The following ZNF438 variants were observed in gnomAD, a reference collection of about 807,000 sequenced individuals.
The protein encoded by ZNF438 is zinc finger protein 438.
ZNF438 carries 25 observed loss-of-function variants against 38.0 expected under a neutral mutation model. That is an observed-to-expected ratio of 0.66 (90% CI 0.48 to 0.92). ZNF438 has a LOEUF of 0.92. Among genes scored for constraint, ZNF438 ranks in the 40% least tolerant of loss-of-function variants. ZNF438 has a pLI of 0.00. For synonymous variants in ZNF438, 372 were observed against 364.1 expected (o/e 1.02, Z -0.25); for missense variants, 1,007 against 999.6 (o/e 1.01, Z -0.10).
intron 3 of ZNF438, among the ~76,000 whole-genome samples, chr10:30,906,677 C>A (rs754644354): frequency 2.6e-4 from 39 of 152,146 alleles, no homozygotes; most frequent in Non-Finnish European, 5.0e-4. Flanking sequence ...AGTTTTTCAC[C>A]ATTAAGTATG....
At chr10:30,887,683 C>T (rs538718960) in intron 3 of ZNF438, among the ~76,000 whole-genome samples, 6 of 152,166 alleles carry the variant, frequency 3.9e-5, no homozygotes, top group Non-Finnish European at 7.4e-5. Context: ...CCACCGCGCC[C>T]GGCCTAAACT....
At chr10:30,865,421 C>T (rs16932021) in intron 4 of ZNF438, among the ~76,000 whole-genome samples, 6,011 of 151,100 alleles carry the variant, frequency 0.04, 377 homozygotes, top group African/African-American at 0.14. Context: ...TTTTAAGCAG[C>T]GACAAAGTAA....
At chr10:30,907,211 G>T (rs896567050) in intron 3 of ZNF438, among the ~76,000 whole-genome samples, 2 of 152,272 alleles carry the variant, frequency 1.3e-5, no homozygotes, top group South Asian at 4.1e-4. Flanking sequence ...CTCAACTCAG[G>T]TGACCCACCT....
chr10:30,881,831 T>C (rs2039301240), intron 3 of ZNF438, among the ~76,000 whole-genome samples: 1 of 152,112 alleles, frequency 6.6e-6, no homozygotes, highest in Admixed American at 6.5e-5. Flanking sequence ...GGAACATGAA[T>C]AGTCCCTTCA....
Position 30,997,605 on chromosome 10 carries a change from T to C in ZNF438, c.-192+34228A>G, listed in dbSNP as rs559468041. Among the ~76,000 whole-genome samples the C allele has an allele frequency of 3.9e-3, 572 of 148,110 alleles. 3 individuals are homozygous for C. The highest frequency in any genetic ancestry group is 0.013 in the African/African-American group (531 of 40,110). On this transcript the variant is annotated intron_variant, in intron 1 of 5. Transcript: ENST00000413025. ...TTTTTTTTTTTTACCTTGGGAGGAG[T>C]GAAGGGCCATGAATCTTGACTAGTC...
At chr10:30,908,692 A>G (rs914469671) in intron 3 of ZNF438, among the ~76,000 whole-genome samples, 4 of 152,238 alleles carry the variant, frequency 2.6e-5, no homozygotes, top group African/African-American at 7.2e-5. Context: ...GTGCACAGTG[A>G]AAATAAATGA....
chr10:30,931,212 C>T (rs188792144), intron 2 of ZNF438, among the ~76,000 whole-genome samples: 95 of 152,308 alleles, frequency 6.2e-4, no homozygotes, highest in African/African-American at 2.2e-3. Flanking sequence ...TCTTGAGCTG[C>T]TAGTGGTCAT....
intron 3 of ZNF438, among the ~76,000 whole-genome samples, chr10:30,892,468 A>C (rs1382826272): frequency 7.9e-5 from 12 of 152,160 alleles, no homozygotes; most frequent in Non-Finnish European, 7.4e-5. Flanking sequence ...GAAATCACAA[A>C]TAAGGGAAGA....
chr10:30,994,380 T>C (rs1442136421), intron 1 of ZNF438, among the ~76,000 whole-genome samples: 1 of 152,180 alleles, frequency 6.6e-6, no homozygotes, highest in Non-Finnish European at 1.5e-5. Context: ...GTCATGAGGG[T>C]TCTGCTCTCA....
chr10:30,855,276 C>CA (rs1263956545), intron 4 of ZNF438, among the ~76,000 whole-genome samples: 1 of 152,178 alleles, frequency 6.6e-6, no homozygotes, highest in African/African-American at 2.4e-5. Flanking sequence ...CCTGAAGTGA[C>CA]AGAGGCCCAG....
In ZNF438 at chr10:31,003,158, C is replaced by A. The variant is rs761802599; in HGVS notation, c.-192+28675G>T. 7.0e-4 allele frequency among the ~76,000 whole-genome samples: 106 copies of A among 152,042 alleles called. 1 individual carries two copies. The highest frequency in any genetic ancestry group is 5.3e-4 in the Non-Finnish European group (36 of 67,938). ...ATTGCAAGTCTTGAGATGTGTAGGG[C>A]AATCTTGTACAACAAAAACCTGTCC... On this transcript the variant is annotated intron_variant, in intron 1 of 5. Transcript: ENST00000413025.
At chr10:30,878,222 G>A (rs761593856) in intron 3 of ZNF438, among the ~76,000 whole-genome samples, 10 of 152,016 alleles carry the variant, frequency 6.6e-5, no homozygotes, top group African/African-American at 1.2e-4. Context: ...TTTACCAATC[G>A]AATGTTGCCT....
chr10:31,026,638 TG>T (rs1350221847), intron 1 of ZNF438, among the ~76,000 whole-genome samples: 1 of 152,180 alleles, frequency 6.6e-6, no homozygotes, highest in African/African-American at 2.4e-5. Flanking sequence ...TTTACATTGT[TG>T]GTGGGACTGT....
intron 1 of ZNF438, among the ~76,000 whole-genome samples, chr10:31,029,729 C>A (rs1427037084): frequency 6.6e-6 from 1 of 152,132 alleles, no homozygotes; most frequent in Non-Finnish European, 1.5e-5. Flanking sequence ...GGTTTTCCAT[C>A]ACAGTTAGAA....
At chr10:31,026,152 G>C (rs1259551547) in intron 1 of ZNF438, among the ~76,000 whole-genome samples, 2 of 152,082 alleles carry the variant, frequency 1.3e-5, no homozygotes, top group Non-Finnish European at 2.9e-5. Flanking sequence ...GAAAACCTAG[G>C]CAATACCATT....
intron 1 of ZNF438, among the ~76,000 whole-genome samples, chr10:31,024,639 A>C (rs2056826975): frequency 6.6e-6 from 1 of 152,208 alleles, no homozygotes; most frequent in Non-Finnish European, 1.5e-5. Flanking sequence ...AAAAAAAAAA[A>C]AGATTCCTAG....
Position 31,018,213 on chromosome 10 carries a change from A to AT in ZNF438, c.-192+13619dup, listed in dbSNP as rs1305862238. 2.6e-5 allele frequency among the ~76,000 whole-genome samples: 4 copies of AT among 152,268 alleles called. No homozygotes were observed. The East Asian group carries it at 7.7e-4, about 29-fold the overall frequency. ...ATTTTTTCCAACACTGCAATGCCCC[A>AT]TATTACTGGCCTCTCAGTCAATTCA... is the stretch of plus-strand genomic sequence containing the variant. On this transcript the variant is annotated intron_variant, in intron 1 of 5. Coordinates refer to ENST00000413025, the Ensembl canonical transcript of ZNF438.
chr10:30,935,914 G>T (rs1333761164), intron 2 of ZNF438, among the ~76,000 whole-genome samples: 1 of 150,680 alleles, frequency 6.6e-6, no homozygotes, highest in Non-Finnish European at 1.5e-5. Context: ...TCTCTCCTTA[G>T]ACATGTGGAA....
chr10:30,920,845 C>T, intron 2 of ZNF438: 1 of 152,140 alleles, frequency 6.6e-6, no homozygotes, highest in East Asian at 1.9e-4. Flanking sequence ...TGAAGAAAAA[C>T]ATAATACTCT....
Sources: allele counts gnomAD v4.1 joint callset (sites outside exome capture counted in the v4.1 genomes callset), GRCh38; gene constraint gnomAD v4.1.1; transcripts MANE v1.5; gene names NCBI Gene and HGNC (gene_info 2026-07-23, HGNC 2026-07-21).